RUVBL1: variants seen among roughly 807,000 people sequenced by gnomAD.
The protein encoded by RUVBL1 is RuvB like AAA ATPase 1, also known as ruvB-like 1.
A neutral mutation model predicts 52.4 loss-of-function variants in RUVBL1; 4 were observed. The observed-to-expected ratio is 0.08, with a 90% CI of 0.04 to 0.17. The LOEUF (loss-of-function observed/expected upper bound fraction) is 0.17. RUVBL1 is among the 10% of genes least tolerant of loss of function. The pLI, the probability that RUVBL1 is intolerant of heterozygous loss-of-function variation, is 1.00. For missense variants in RUVBL1, 298 were observed against 572.8 expected (o/e 0.52, Z 4.90); for synonymous variants, 217 against 214.4 (o/e 1.01, Z -0.10).
At chr3:128,088,116 G>C (rs1173391142) in intron 8 of RUVBL1, among the ~76,000 whole-genome samples, 1 of 151,950 alleles carries the variant, frequency 6.6e-6, no homozygotes, top group Admixed American at 6.6e-5. Context: ...ACAAAAATTA[G>C]CTGGGCATGG....
upstream of RUVBL1, among the ~76,000 whole-genome samples, chr3:128,124,596 G>A (rs552441673): frequency 1.1e-3 from 174 of 152,280 alleles, no homozygotes; most frequent in African/African-American, 3.9e-3. Context: ...CACCACAATT[G>A]TACTTGCCAT....
intron 1 of RUVBL1, among the ~76,000 whole-genome samples, chr3:128,134,507 C>G (rs1200294071): frequency 6.7e-6 from 1 of 148,442 alleles, no homozygotes; most frequent in African/African-American, 2.5e-5. Context: ...ACAGAGGTGG[C>G]CAGGCATGGT....
intron 3 of RUVBL1, among the ~76,000 whole-genome samples, chr3:128,109,782 G>A (rs991673696): frequency 7.0e-6 from 1 of 143,314 alleles, no homozygotes; most frequent in African/African-American, 2.6e-5. Context: ...GCACCACCAT[G>A]AGCCATCAGG....
At chr3:128,153,424 G>C in exon 1 of RUVBL1, 1 of 1,419,804 alleles carries the variant, frequency 7.0e-7, no homozygotes, top group Non-Finnish European at 9.1e-7. Flanking sequence ...GGTTACGGGG[G>C]GGCAACTTAA....
chr3:128,115,650 A>G (rs1200554202), intron 2 of RUVBL1, among the ~76,000 whole-genome samples: 1 of 152,260 alleles, frequency 6.6e-6, no homozygotes, highest in African/African-American at 2.4e-5. Context: ...ACCAAAAAAA[A>G]TGAAAGACAT....
At position 128,150,483 on chromosome 3, in the gene RUVBL1, TTA is replaced by T. The variant is rs199541222; in HGVS notation, c.-40+2718_-40+2719del. Reference sequence around the variant, plus strand: ...TCCATATATGTGTATATATATTCCATTATATATATATATATGTATGTTCCATT... The same window carrying T: ...TCCATATATGTGTATATATATTCCATTATATATATATATGTATGTTCCATT... On this transcript the variant is annotated intron_variant, in intron 1 of 9. Transcript: ENST00000464873. 4.4e-4 allele frequency among the ~76,000 whole-genome samples: 62 copies of T among 142,416 alleles called. 1 individual carries two copies. The highest frequency in any genetic ancestry group is 1.1e-3 in the Admixed American group (15 of 14,148). 93.4% of individuals were successfully genotyped at this position (142,416 alleles called of 152,430 possible). A position where few individuals can be genotyped will look rare whatever the true frequency, so the allele number is the denominator to read the frequency against.
chr3:128,153,314 C>T (rs1275644150), exon 1 of RUVBL1: 180 of 1,367,468 alleles, frequency 1.3e-4, no homozygotes, highest in Non-Finnish European at 1.7e-4. Context: ...CGGTGACCTC[C>T]AGTTCCTAGA....
At chr3:128,143,347 A>C in intron 1 of RUVBL1, among the ~76,000 whole-genome samples, 1 of 151,474 alleles carries the variant, frequency 6.6e-6, no homozygotes, top group African/African-American at 2.4e-5. Flanking sequence ...TAATTTTTGT[A>C]TTTTTAGTAG....
chr3:128,101,444 C>T (rs1943106068), intron 5 of RUVBL1, 115 bp downstream of exon 5: 2 of 911,402 alleles, frequency 2.2e-6, no homozygotes, highest in Non-Finnish European at 3.5e-6. Flanking sequence ...TCATAACAGA[C>T]ACCAGCCCCT....
At chr3:128,139,802 T>C (rs1019398782) in intron 1 of RUVBL1, among the ~76,000 whole-genome samples, 1 of 152,130 alleles carries the variant, frequency 6.6e-6, no homozygotes, top group East Asian at 1.9e-4. Context: ...TTCTCACTCA[T>C]TTGTCGACAC....
At chr3:128,113,167 CTT>C in intron 2 of RUVBL1, 147 bp from the exon 3 acceptor site, 1 of 871,918 alleles carries the variant, frequency 1.1e-6, no homozygotes, top group Non-Finnish European at 1.7e-6. Flanking sequence ...TGTTTGATGA[CTT>C]TTGTGGACAG....
chr3:128,148,556 C>T (rs1442041980), intron 1 of RUVBL1, among the ~76,000 whole-genome samples: 3 of 152,070 alleles, frequency 2.0e-5, no homozygotes, highest in Non-Finnish European at 2.9e-5. Flanking sequence ...AGGCTCCTGG[C>T]TGCAGGCTCA....
At chr3:128,091,377 A>G (rs1942834169) in intron 8 of RUVBL1, among the ~76,000 whole-genome samples, 1 of 152,244 alleles carries the variant, frequency 6.6e-6, no homozygotes, top group African/African-American at 2.4e-5. Context: ...AAGAAGCTGG[A>G]TAATAATTAC....
intron 9 of RUVBL1, among the ~76,000 whole-genome samples, chr3:128,085,846 TGAGATGA>T (rs1942629634): frequency 6.6e-6 from 1 of 152,046 alleles, no homozygotes; most frequent in Non-Finnish European, 1.5e-5. Context: ...CTAATGACAA[TGAGATGA>T]GAGATTTCTA....
chr3:128,125,061 C>T (rs569858342), upstream of RUVBL1, among the ~76,000 whole-genome samples: 36 of 116,992 alleles, frequency 3.1e-4, no homozygotes, highest in African/African-American at 1.1e-3. Flanking sequence ...GTGGCCCAGG[C>T]GGGAGTGCAG....
chr3:128,067,898 G>C lies in RUVBL1; in HGVS notation c.940-2678C>G. 2.9e-6 allele frequency: 3 copies of C among 1,050,700 alleles called. No homozygotes were observed. The highest frequency in any genetic ancestry group is 2.4e-5 in the East Asian group (1 of 42,132). 65.1% of individuals were successfully genotyped at this position (1,050,700 alleles called of 1,614,324 possible). A position where few individuals can be genotyped will look rare whatever the true frequency, so the allele number is the denominator to read the frequency against. On this transcript the variant is annotated intron_variant, in intron 9 of 9. Coordinates refer to the RUVBL1 transcript ENST00000464873. The surrounding 1 kb of genome is among the most constrained non-coding windows in gnomAD (Gnocchi z 4.1). The stretch of plus-strand genomic sequence containing the variant: ...GAATATTGTCAGTGCTCGAAGAGGC[G>C]ATCTGTAACTGTTCAGTACCACTTG...
intron 1 of RUVBL1, among the ~76,000 whole-genome samples, chr3:128,146,764 T>C (rs1477820370): frequency 6.6e-6 from 1 of 151,932 alleles, no homozygotes; most frequent in Non-Finnish European, 1.5e-5. Flanking sequence ...TACGTACATC[T>C]GTGTGTCTCT....
At chr3:128,085,235 C>G (rs1942610039) in intron 9 of RUVBL1, 1 of 152,226 alleles carries the variant, frequency 6.6e-6, no homozygotes, top group Non-Finnish European at 1.5e-5. Context: ...GACAATCTTG[C>G]AAAGGAGGGA....
At position 128,086,322 on chromosome 3, in the gene RUVBL1, A is replaced by G. The variant is rs147892240; in HGVS notation, c.1119+1384T>C. ...AATGTCCTCATCTTTTAAAATGGCA[A>G]TGACAGTAGTTCTCCCTGCCTCATG... On this transcript the variant is annotated intron_variant, in intron 9 of 10. Transcript: ENST00000322623. Among the ~76,000 whole-genome samples, 310 of 152,328 alleles carry G rather than the reference A, an allele frequency of 2.0e-3. 2 individuals carry two copies. Among genetic ancestry groups the G allele is most frequent in the African/African-American group, 6.7e-3 (280 of 41,574 alleles).
Sources: gnomAD v4.1 joint callset for allele counts (sites outside exome capture counted in the v4.1 genomes callset) on GRCh38, gnomAD v4.1.1 for gene constraint, Gnocchi (gnomAD v3.1) non-coding constraint, MANE v1.5 for transcripts, NCBI Gene and HGNC (gene_info 2026-07-23, HGNC 2026-07-21) for gene names.